Variants in DACH1 observed in about 807,000 individuals in gnomAD.
DACH1 encodes dachshund family transcription factor 1.
DACH1 carries 12 observed loss-of-function variants against 54.2 expected under a neutral mutation model. The ratio of observed to expected loss-of-function variants is 0.22; its 90% CI spans 0.14 to 0.36. The LOEUF (loss-of-function observed/expected upper bound fraction) is 0.36, where lower values mean the gene tolerates loss of function less well. DACH1 is among the 10% of genes least tolerant of loss of function. The pLI is 1.00. For synonymous variants in DACH1, 386 were observed against 366.2 expected (o/e 1.05, Z -0.62); for missense variants, 805 against 929.8 (o/e 0.87, Z 1.75).
intron 1 of DACH1, among the ~76,000 whole-genome samples, chr13:71,739,035 CTG>C (rs1286144204): frequency 1.3e-5 from 2 of 151,450 alleles, no homozygotes; most frequent in Non-Finnish European, 1.5e-5. Context: ...GGCGGATCAC[CTG>C]AGGTCAGGAG....
At chr13:71,683,401 T>A (rs893308522) in intron 1 of DACH1, among the ~76,000 whole-genome samples, 4 of 151,734 alleles carry the variant, frequency 2.6e-5, no homozygotes, top group Non-Finnish European at 4.4e-5. Flanking sequence ...AAGAAAAGAA[T>A]AAAAGAAAAT....
intron 3 of DACH1, among the ~76,000 whole-genome samples, chr13:71,585,324 A>C (rs894267159): frequency 6.6e-6 from 1 of 152,188 alleles, no homozygotes; most frequent in Non-Finnish European, 1.5e-5. Flanking sequence ...AAAAAAATAT[A>C]TTTCAAAATG....
chr13:71,778,959 G>T (rs1467345095), intron 1 of DACH1, among the ~76,000 whole-genome samples: 2 of 151,552 alleles, frequency 1.3e-5, no homozygotes, highest in South Asian at 2.1e-4. Context: ...AAAGAAAGTT[G>T]CTCCCCTTTT....
intron 6 of DACH1, among the ~76,000 whole-genome samples, chr13:71,552,166 C>T (rs543021922): frequency 6.6e-6 from 1 of 152,068 alleles, no homozygotes; most frequent in African/African-American, 2.4e-5. Flanking sequence ...ATAATTTTAA[C>T]GAGGAAAGGG....
chr13:71,701,732 G>A (rs1299437205), intron 1 of DACH1, among the ~76,000 whole-genome samples: 1 of 152,118 alleles, frequency 6.6e-6, no homozygotes. Flanking sequence ...TGTGTGAGAT[G>A]ATAAAATATG....
chr13:71,780,614 G>T (rs1371078611), intron 1 of DACH1, among the ~76,000 whole-genome samples: 2 of 150,796 alleles, frequency 1.3e-5, no homozygotes, highest in East Asian at 3.9e-4. Flanking sequence ...CCACTGCATT[G>T]TAGTCTGGGC....
intron 10 of DACH1, among the ~76,000 whole-genome samples, chr13:71,455,612 G>T (rs1308483317): frequency 6.6e-6 from 1 of 151,996 alleles, no homozygotes; most frequent in East Asian, 1.9e-4. Context: ...GATGGACTGC[G>T]ACAGAACTTA....
intron 6 of DACH1, among the ~76,000 whole-genome samples, chr13:71,555,236 A>G (rs1370638381): frequency 1.3e-5 from 2 of 152,186 alleles, no homozygotes. Context: ...ACCCTAGTGG[A>G]GAATGATTGT....
chr13:71,657,462 C>T (rs900876711), intron 2 of DACH1, among the ~76,000 whole-genome samples: 27 of 151,628 alleles, frequency 1.8e-4, no homozygotes, highest in African/African-American at 6.5e-4. Flanking sequence ...GATCACACCA[C>T]TGCACTCCAG....
chr13:71,568,846 G>T lies in DACH1; in HGVS notation c.1299+3994C>A, dbSNP rs146893616. ...ATTGACACATAAGAAATTAATACAG[G>T]TACAGTTTATAATTATTTAATATAT... On this transcript the variant is annotated intron_variant, in intron 4 of 10. Transcript: ENST00000613252. Among the ~76,000 whole-genome samples, 373 of 152,080 alleles carry T rather than the reference G, an allele frequency of 2.5e-3. 1 individual carries two copies. Among genetic ancestry groups the T allele is most frequent in the African/African-American group, 8.3e-3 (344 of 41,506 alleles).
chr13:71,484,835 G>T (rs1003528907), intron 7 of DACH1, among the ~76,000 whole-genome samples: 2 of 152,076 alleles, frequency 1.3e-5, no homozygotes, highest in African/African-American at 4.8e-5. Flanking sequence ...TGGGAGGTGG[G>T]TAGATTAGTT....
chr13:71,802,693 C>A (rs1264172608), intron 1 of DACH1, among the ~76,000 whole-genome samples: 2 of 152,014 alleles, frequency 1.3e-5, no homozygotes, highest in East Asian at 3.9e-4. Context: ...AAAAGAGTTG[C>A]AGGCTTTTGT....
At chr13:71,657,720 C>T (rs1442556824) in intron 2 of DACH1, among the ~76,000 whole-genome samples, 1 of 151,734 alleles carries the variant, frequency 6.6e-6, no homozygotes, top group African/African-American at 2.4e-5. Flanking sequence ...AACACAGAAA[C>T]ATGCCTCATG....
intron 2 of DACH1, among the ~76,000 whole-genome samples, chr13:71,675,806 A>G (rs1035002791): frequency 5.3e-5 from 8 of 152,148 alleles, no homozygotes; most frequent in Non-Finnish European, 1.0e-4. Context: ...CAGCATTTGG[A>G]TTTTTTTAAA....
chr13:71,808,124 A>G (rs1887582314), intron 1 of DACH1, among the ~76,000 whole-genome samples: 1 of 152,046 alleles, frequency 6.6e-6, no homozygotes, highest in Non-Finnish European at 1.5e-5. Context: ...ACCCACTTAC[A>G]CCAAGCAGAT....
chr13:71,497,109 A>G (rs1290205123), intron 6 of DACH1, among the ~76,000 whole-genome samples: 5 of 152,188 alleles, frequency 3.3e-5, no homozygotes, highest in Non-Finnish European at 7.3e-5. Context: ...TTTATTTATT[A>G]AAACGATGAT....
At chr13:71,846,921 A>C (rs1335526494) in intron 1 of DACH1, among the ~76,000 whole-genome samples, 1 of 152,184 alleles carries the variant, frequency 6.6e-6, no homozygotes, top group Non-Finnish European at 1.5e-5. Context: ...TAAAAATAGT[A>C]GCATGTAATT....
intron 2 of DACH1, among the ~76,000 whole-genome samples, chr13:71,648,793 G>A (rs879362386): frequency 2.0e-5 from 3 of 152,140 alleles, no homozygotes; most frequent in Non-Finnish European, 4.4e-5. Context: ...GTATGGTATA[G>A]AGGTGTTCAA....
chr13:71,560,901 GA>G (rs1884541948), intron 4 of DACH1, among the ~76,000 whole-genome samples: 3 of 152,192 alleles, frequency 2.0e-5, no homozygotes, highest in Admixed American at 2.0e-4. Context: ...AAGTGTGGAA[GA>G]AAACTATATA....
Sources: allele counts gnomAD v4.1 joint callset (sites outside exome capture counted in the v4.1 genomes callset), GRCh38; gene constraint gnomAD v4.1.1; transcripts MANE v1.5; gene names NCBI Gene and HGNC (gene_info 2026-07-23, HGNC 2026-07-21).